PRKCH: variants seen among roughly 807,000 people sequenced by gnomAD.
The protein encoded by PRKCH is protein kinase C eta.
A neutral mutation model predicts 82.5 loss-of-function variants in PRKCH; 28 were observed. The observed-to-expected ratio is 0.34, with a 90% CI of 0.25 to 0.47. PRKCH has a LOEUF of 0.47. Among genes scored for constraint, PRKCH ranks in the 20% least tolerant of loss-of-function variants. The pLI is 1.00. For missense variants in PRKCH, 705 were observed against 881.8 expected (o/e 0.80, Z 2.54); for synonymous variants, 322 against 327.4 (o/e 0.98, Z 0.18).
chr14:61,523,761 T>C (rs2042933479), intron 10 of PRKCH, among the ~76,000 whole-genome samples: 1 of 152,232 alleles, frequency 6.6e-6, no homozygotes, highest in Non-Finnish European at 1.5e-5. Flanking sequence ...AAATTGACTG[T>C]GTATTTTATG....
At chr14:61,249,884 G>T (rs923916627) in intron 1 of PRKCH, among the ~76,000 whole-genome samples, 9 of 151,672 alleles carry the variant, frequency 5.9e-5, no homozygotes, top group Non-Finnish European at 1.2e-4. Context: ...TTCCCAAAGT[G>T]CTGGGATTAC....
At chr14:61,456,376 G>A (rs1332575009) in intron 7 of PRKCH, among the ~76,000 whole-genome samples, 1 of 152,182 alleles carries the variant, frequency 6.6e-6, no homozygotes, top group Non-Finnish European at 1.5e-5. Flanking sequence ...GTGAAAAAGG[G>A]GAGATGCCTC....
In PRKCH at chr14:61,550,921, G is replaced by A. The variant is rs530764556; in HGVS notation, c.*1090G>A. ...AAAGATGACCTTATAATATGTACCC[G>A]AATATACAGTTCAAGAATTTTGTCT... On this transcript the variant is annotated 3_prime_UTR_variant, in exon 14 of 14. Coordinates refer to ENST00000332981, the MANE Select transcript of PRKCH (RefSeq NM_006255.5). 2.0e-5 allele frequency: 3 copies of A among 152,304 alleles called. No individual in the cohort carries two copies. The highest frequency in any genetic ancestry group is 3.4e-3 in the Middle Eastern group (1 of 294). The allele number at this position is 152,304 out of a possible 1,614,324, so 9.4% of individuals were successfully genotyped here. A position where few individuals can be genotyped will look rare whatever the true frequency, so the allele number is the denominator to read the frequency against.
At chr14:61,218,721 T>A (rs1194620095) in intron 1 of PRKCH, among the ~76,000 whole-genome samples, 1 of 152,188 alleles carries the variant, frequency 6.6e-6, no homozygotes, top group Non-Finnish European at 1.5e-5. Context: ...TGTTTCCTCA[T>A]TGAAAAAATA....
intron 2 of PRKCH, among the ~76,000 whole-genome samples, chr14:61,426,549 T>G (rs1295237585): frequency 6.6e-6 from 1 of 152,218 alleles, no homozygotes; most frequent in Non-Finnish European, 1.5e-5. Flanking sequence ...TAGGGTAATT[T>G]CTCTTTAGTC....
intron 10 of PRKCH, among the ~76,000 whole-genome samples, chr14:61,509,892 G>A (rs1299825555): frequency 6.6e-6 from 1 of 152,078 alleles, no homozygotes; most frequent in African/African-American, 2.4e-5. Flanking sequence ...TCCATCCTGG[G>A]TGACAAAGTG....
At chr14:61,320,976 G>A (rs549134967), upstream of PRKCH, among the ~76,000 whole-genome samples, 134 of 152,302 alleles carry the variant, frequency 8.8e-4, 3 homozygotes, top group South Asian at 0.027. Flanking sequence ...CCTGCTCTAT[G>A]TGCAACAAGA....
At chr14:61,276,600 T>C (rs1451321159) in intron 1 of PRKCH, among the ~76,000 whole-genome samples, 2 of 151,566 alleles carry the variant, frequency 1.3e-5, no homozygotes, top group African/African-American at 4.8e-5. Flanking sequence ...AAATGATCCA[T>C]CCACCTCGGC....
intron 2 of PRKCH, among the ~76,000 whole-genome samples, chr14:61,405,877 G>A (rs1038502861): frequency 6.6e-6 from 1 of 152,202 alleles, no homozygotes; most frequent in Non-Finnish European, 1.5e-5. Flanking sequence ...TCATGTAAAT[G>A]TGGATGCTTC....
intron 9 of PRKCH, among the ~76,000 whole-genome samples, chr14:61,473,290 AG>A (rs1885585275): frequency 6.6e-6 from 1 of 152,204 alleles, no homozygotes; most frequent in Non-Finnish European, 1.5e-5. Context: ...TCCTTTGCTG[AG>A]GAGCTTAGAC....
rs530420914 is a variant in PRKCH, at chr14:61,517,320, G to A, written c.1434-11755G>A. The stretch of plus-strand genomic sequence containing the variant: ...TTTCACTGCTTGCTTTTCCCAAGTC[G>A]AAGAAAAGTTCCAACGCTGGCAAAG... On this transcript the variant is annotated intron_variant, in intron 10 of 13. Coordinates refer to ENST00000332981, the MANE Select transcript of PRKCH (RefSeq NM_006255.5). 9.2e-5 allele frequency among the ~76,000 whole-genome samples: 14 copies of A among 152,310 alleles called. 1 individual carries two copies. Among genetic ancestry groups the A allele is most frequent in the South Asian group, 6.2e-4 (3 of 4,824 alleles).
chr14:61,493,583 T>A (rs1886545622), intron 10 of PRKCH, among the ~76,000 whole-genome samples: 1 of 152,214 alleles, frequency 6.6e-6, no homozygotes. Context: ...GAAAGAATCA[T>A]TATTTGATAG....
intron 1 of PRKCH, among the ~76,000 whole-genome samples, chr14:61,332,635 C>T (rs1286106640): frequency 6.6e-6 from 1 of 152,168 alleles, no homozygotes; most frequent in Non-Finnish European, 1.5e-5. Context: ...CAACATGATC[C>T]CTGTCATAAT....
chr14:61,463,083 G>A (rs990513430), intron 9 of PRKCH: 3 of 152,228 alleles, frequency 2.0e-5, no homozygotes, highest in Admixed American at 2.0e-4. Flanking sequence ...AACCTGAACT[G>A]TGTTTTAGCT....
At chr14:61,479,237 A>G (rs1885862026) in intron 9 of PRKCH, among the ~76,000 whole-genome samples, 1 of 152,180 alleles carries the variant, frequency 6.6e-6, no homozygotes. Flanking sequence ...ACACTGCAAA[A>G]GCAGTTTCCG....
chr14:61,451,076 G>T, intron 6 of PRKCH, 105 bp downstream of exon 6: 1 of 1,349,208 alleles, frequency 7.4e-7, no homozygotes, highest in Non-Finnish European at 9.9e-7. Flanking sequence ...GATGGTTTTA[G>T]ATATGTTGTA....
chr14:61,341,725 C>G (rs562674682), intron 1 of PRKCH, among the ~76,000 whole-genome samples: 2 of 152,134 alleles, frequency 1.3e-5, no homozygotes, highest in Non-Finnish European at 2.9e-5. Flanking sequence ...GTAACCAGGT[C>G]GAAGGTAGTG....
At chr14:61,504,921 A>G (rs1887070831) in intron 10 of PRKCH, among the ~76,000 whole-genome samples, 1 of 152,176 alleles carries the variant, frequency 6.6e-6, no homozygotes, top group South Asian at 2.1e-4. Flanking sequence ...ATGTTAATTG[A>G]GACCTATTTT....
intron 1 of PRKCH, among the ~76,000 whole-genome samples, chr14:61,206,790 CT>C (rs1436085000): frequency 2.0e-5 from 3 of 151,170 alleles, no homozygotes; most frequent in Non-Finnish European, 4.4e-5. Flanking sequence ...GGCTTTATTT[CT>C]CCTGTGATTA....
Sources: allele counts gnomAD v4.1 joint callset (sites outside exome capture counted in the v4.1 genomes callset), GRCh38; gene constraint gnomAD v4.1.1; transcripts MANE v1.5; gene names NCBI Gene and HGNC (gene_info 2026-07-23, HGNC 2026-07-21).